Variants in ARHGAP39 observed in about 807,000 individuals in gnomAD.
ARHGAP39 encodes the protein rho GTPase-activating protein 39.
ARHGAP39 carries 44 observed loss-of-function variants against 106.9 expected under a neutral mutation model. The ratio of observed to expected loss-of-function variants is 0.41; its 90% CI spans 0.32 to 0.53. The LOEUF is 0.53. ARHGAP39 is among the 20% of genes least tolerant of loss of function. ARHGAP39 has a pLI of 0.21. For synonymous variants in ARHGAP39, 768 were observed against 693.2 expected, an observed-to-expected ratio of 1.11 and a Z score of -1.69; for missense variants, 1,496 against 1,577.3, an observed-to-expected ratio of 0.95 and a Z score of 0.87.
chr8:144,672,924 C>T lies in ARHGAP39; in HGVS notation c.-82+12762G>A, dbSNP rs1191048580. On this transcript the variant is annotated intron_variant, in intron 1 of 11. Coordinates refer to ENST00000377307, the MANE Select transcript of ARHGAP39 (RefSeq NM_025251.3). ...AGCATCGCTACCACCTGAAATTTGA[C>T]GCTGATCAGGGGCCAGGCACAGTGG... 5.3e-5 allele frequency among the ~76,000 whole-genome samples: 8 copies of T among 152,248 alleles called. No homozygotes were observed. In the East Asian group the frequency reaches 1.4e-3, roughly 26 times the overall value.
intron 7 of ARHGAP39, among the ~76,000 whole-genome samples, chr8:144,536,668 GC>G (rs971465272): frequency 6.6e-6 from 1 of 152,176 alleles, no homozygotes; most frequent in African/African-American, 2.4e-5. Flanking sequence ...TCGGGACTGG[GC>G]CAGGGACCCC....
At chr8:144,626,715 G>A (rs374100288) in intron 1 of ARHGAP39, among the ~76,000 whole-genome samples, 73 of 152,310 alleles carry the variant, frequency 4.8e-4, no homozygotes, top group African/African-American at 1.5e-3. Flanking sequence ...GGACCCCCAC[G>A]GCCCGTCTCC....
intron 1 of ARHGAP39, among the ~76,000 whole-genome samples, chr8:144,629,481 G>T (rs552983380): frequency 6.6e-6 from 1 of 152,382 alleles, no homozygotes; most frequent in South Asian, 2.1e-4. Flanking sequence ...AAGGCCAGCA[G>T]GAGTGGGGCT....
At chr8:144,533,063 A>C in intron 9 of ARHGAP39, 63 bp downstream of exon 9, 2 of 1,554,368 alleles carry the variant, frequency 1.3e-6, no homozygotes, top group Non-Finnish European at 8.7e-7. Flanking sequence ...CCTGCATGCC[A>C]CAGATGCATG....
At chr8:144,535,756 T>C (rs899021637) in intron 7 of ARHGAP39, among the ~76,000 whole-genome samples, 2 of 152,180 alleles carry the variant, frequency 1.3e-5, no homozygotes, top group African/African-American at 4.8e-5. Context: ...TCCAACACTC[T>C]GTGACTGGGA....
At chr8:144,653,977 G>A (rs1041740636) in intron 1 of ARHGAP39, among the ~76,000 whole-genome samples, 7 of 152,206 alleles carry the variant, frequency 4.6e-5, no homozygotes, top group Non-Finnish European at 8.8e-5. Flanking sequence ...ACAGAGCCGC[G>A]CCGTCTGCAC....
Position 144,604,020 on chromosome 8 carries a change from G to A in ARHGAP39, c.80+1515C>T, listed in dbSNP as rs1261384719. Among the ~76,000 whole-genome samples the A allele has an allele frequency of 3.3e-5, 5 of 152,192 alleles. No individual in the cohort carries two copies. The highest frequency in any genetic ancestry group is 9.6e-5 in the African/African-American group (4 of 41,452). On this transcript the variant is annotated intron_variant, in intron 2 of 11. Coordinates refer to ENST00000377307, the MANE Select transcript of ARHGAP39 (RefSeq NM_025251.3). This position sits in a 1 kb window ranked among gnomAD's most constrained non-coding sequence, Gnocchi z 4.1. ...TCACAGCCCACATCAGCGAACAAAC[G>A]AATGAAGAACGAACAAACGAATGAA...
chr8:144,677,673 A>G (rs1822278882), intron 1 of ARHGAP39, among the ~76,000 whole-genome samples: 1 of 152,206 alleles, frequency 6.6e-6, no homozygotes, highest in Non-Finnish European at 1.5e-5. Context: ...TTTTAAAAAG[A>G]AAAGGGTAAG....
At chr8:144,570,209 G>A (rs1818537000) in intron 3 of ARHGAP39, among the ~76,000 whole-genome samples, 1 of 152,184 alleles carries the variant, frequency 6.6e-6, no homozygotes, top group Admixed American at 6.5e-5. Flanking sequence ...TGACAAGAGT[G>A]AAATTCTGTC....
At chr8:144,610,723 A>AT (rs939792684) in intron 1 of ARHGAP39, among the ~76,000 whole-genome samples, 11 of 151,246 alleles carry the variant, frequency 7.3e-5, no homozygotes, top group African/African-American at 2.2e-4. Context: ...AAAAAAAAAA[A>AT]TTTTTTTTTA....
At position 144,605,544 on chromosome 8, in the gene ARHGAP39, G is replaced by C. The variant is rs973591401; in HGVS notation, c.71C>G (p.Ser24Trp). Residue 24 changes from serine (S) to tryptophan (W), a missense_variant, in exon 2 of 12, where the codon TCG becomes TGG. This residue lies in a region of ARHGAP39 where 96 missense variants were observed against 107.9 expected (regional missense o/e 0.89). Coordinates refer to ENST00000377307, the MANE Select transcript of ARHGAP39 (RefSeq NM_025251.3). ...VDLPESRIPG[S>W]NTRLEWVEII... ...TCGGTCGGCTCCTTACCGAGTGTTC[G>C]ACCCTGGAATCCTCGACTCCGGCAG... 2.5e-6 allele frequency: 4 copies of C among 1,613,886 alleles called. No individual in the cohort carries two copies. The highest frequency in any genetic ancestry group is 2.5e-6 in the Non-Finnish European group (3 of 1,180,026).
chr8:144,600,405 T>C (rs1027225523), intron 2 of ARHGAP39, among the ~76,000 whole-genome samples: 6 of 145,080 alleles, frequency 4.1e-5, no homozygotes, highest in Admixed American at 6.8e-5. Flanking sequence ...GGCGTGTGTG[T>C]GCACTTGTGT....
chr8:144,555,759 G>A, intron 3 of ARHGAP39, 116 bp from the exon 4 acceptor site: 1 of 875,550 alleles, frequency 1.1e-6, no homozygotes, highest in Non-Finnish European at 1.9e-6. Context: ...AAATAACCTG[G>A]CTCCTGCCCC....
chr8:144,534,663 G>A (rs1326020120), intron 7 of ARHGAP39, among the ~76,000 whole-genome samples: 1 of 152,212 alleles, frequency 6.6e-6, no homozygotes, highest in South Asian at 2.1e-4. Flanking sequence ...GCTGGGGGAG[G>A]CAGGCACTGA....
Position 144,641,226 on chromosome 8 carries a change from G to C in ARHGAP39, c.-81-35531C>G, listed in dbSNP as rs1821306761. Among the ~76,000 whole-genome samples the C allele has an allele frequency of 6.6e-6, 1 of 152,068 alleles. No homozygotes were observed. Among genetic ancestry groups the C allele is most frequent in the Non-Finnish European group, 1.5e-5 (1 of 68,018 alleles). ...TCAGGTTCTAGTCTATGACATCTGGGACCCTGGGGCACCGGTCTCTGGCCC... is the reference window on the plus strand; with the variant it reads ...TCAGGTTCTAGTCTATGACATCTGGCACCCTGGGGCACCGGTCTCTGGCCC... On this transcript the variant is annotated intron_variant, in intron 1 of 11. Transcript: ENST00000377307. This position sits in a 1 kb window ranked among gnomAD's most constrained non-coding sequence, Gnocchi z 5.2.
intron 1 of ARHGAP39, among the ~76,000 whole-genome samples, chr8:144,615,912 A>G (rs1820623395): frequency 6.6e-6 from 1 of 152,232 alleles, no homozygotes; most frequent in Non-Finnish European, 1.5e-5. Context: ...CGCCTGCTCC[A>G]GGACAGGCCA....
chr8:144,619,906 G>A (rs1274843243), intron 1 of ARHGAP39, among the ~76,000 whole-genome samples: 1 of 149,972 alleles, frequency 6.7e-6, no homozygotes, highest in Non-Finnish European at 1.5e-5. Context: ...CCCTGAGAGA[G>A]CGTGTGTGCC....
Position 144,605,142 on chromosome 8 carries a change from G to C in ARHGAP39, c.80+393C>G, listed in dbSNP as rs889301493. On this transcript the variant is annotated intron_variant, in intron 2 of 11. Transcript: ENST00000377307. ...CTAGACGTGGTGGTGCACACCTGCA[G>C]TCCCAGCTACTTGGGAGGTGAGGTG... Among the ~76,000 whole-genome samples, 184 of 152,280 alleles carry C rather than the reference G, an allele frequency of 1.2e-3. 1 individual carries two copies. The highest frequency in any genetic ancestry group is 4.2e-3 in the African/African-American group (175 of 41,560).
chr8:144,591,794 C>T lies in ARHGAP39; in HGVS notation c.81-10517G>A, dbSNP rs1040619797. 2.0e-5 allele frequency among the ~76,000 whole-genome samples: 3 copies of T among 152,216 alleles called. No individual in the cohort carries two copies. Among genetic ancestry groups the T allele is most frequent in the African/African-American group, 7.2e-5 (3 of 41,456 alleles). On this transcript the variant is annotated intron_variant, in intron 2 of 11. Transcript: ENST00000377307. The surrounding 1 kb of genome is among the most constrained non-coding windows in gnomAD (Gnocchi z 5.3). The stretch of plus-strand genomic sequence containing the variant: ...GTGAGCAGTGAGGTGCCCTCGGCAA[C>T]AGCACAGCCTCCCTGCCTGGAAGGA...
Sources: allele counts gnomAD v4.1 joint callset (sites outside exome capture counted in the v4.1 genomes callset), GRCh38; gene constraint gnomAD v4.1.1; regional missense constraint gnomAD v4.1.1; non-coding constraint Gnocchi (gnomAD v3.1); transcripts MANE v1.5; gene names NCBI Gene and HGNC (gene_info 2026-07-23, HGNC 2026-07-21).